PRKG1: variants seen among roughly 807,000 people sequenced by gnomAD.
The protein encoded by PRKG1 is cGMP-dependent protein kinase 1.
Under a neutral mutation model 88.1 loss-of-function variants are expected in PRKG1, and 35 were observed. That is an observed-to-expected ratio of 0.40 (90% CI 0.30 to 0.53). PRKG1 has a LOEUF of 0.53. PRKG1 is among the 20% of genes least tolerant of loss of function. The pLI, the probability that PRKG1 is intolerant of heterozygous loss-of-function variation, is 0.59. For synonymous variants in PRKG1, 303 were observed against 292.5 expected, an observed-to-expected ratio of 1.04 and a Z score of -0.37; for missense variants, 540 against 839.8, an observed-to-expected ratio of 0.64 and a Z score of 4.41.
At chr10:51,610,950 T>G (rs573320162) in intron 3 of PRKG1, among the ~76,000 whole-genome samples, 4 of 151,976 alleles carry the variant, frequency 2.6e-5, no homozygotes, top group African/African-American at 7.2e-5. Context: ...AAGCAGGGCT[T>G]AAAACCTAGG....
chr10:51,368,243 A>G (rs1449406410), intron 2 of PRKG1, among the ~76,000 whole-genome samples: 2 of 152,036 alleles, frequency 1.3e-5, no homozygotes, highest in Non-Finnish European at 2.9e-5. Context: ...TTTGAAAAGC[A>G]TGCAGTCTTC....
intron 2 of PRKG1, among the ~76,000 whole-genome samples, chr10:51,222,674 T>C (rs1207185454): frequency 6.6e-6 from 1 of 152,182 alleles, no homozygotes; most frequent in Non-Finnish European, 1.5e-5. Flanking sequence ...TTTATGGTTC[T>C]AGATATAAGA....
chr10:51,399,414 C>A (rs1022851515), intron 2 of PRKG1, among the ~76,000 whole-genome samples: 2 of 151,900 alleles, frequency 1.3e-5, no homozygotes, highest in Non-Finnish European at 2.9e-5. Context: ...ATGTGACATA[C>A]AACAGTAGAG....
intron 2 of PRKG1, among the ~76,000 whole-genome samples, chr10:51,165,542 A>G (rs1846514903): frequency 6.6e-6 from 1 of 152,290 alleles, no homozygotes; most frequent in Non-Finnish European, 1.5e-5. Context: ...TTCACACATA[A>G]CAATATTAAC....
At chr10:51,203,753 T>C (rs1837972589) in intron 2 of PRKG1, among the ~76,000 whole-genome samples, 1 of 152,212 alleles carries the variant, frequency 6.6e-6, no homozygotes, top group African/African-American at 2.4e-5. Flanking sequence ...TGAGGGACAA[T>C]TGAAATGATG....
At chr10:51,297,308 A>C (rs185848010) in intron 2 of PRKG1, among the ~76,000 whole-genome samples, 1 of 152,204 alleles carries the variant, frequency 6.6e-6, no homozygotes, top group East Asian at 1.9e-4. Context: ...TAGATGGTGA[A>C]CCTGTGGGTG....
intron 4 of PRKG1, among the ~76,000 whole-genome samples, chr10:51,906,419 T>C (rs551277968): frequency 6.6e-6 from 1 of 152,162 alleles, no homozygotes; most frequent in East Asian, 1.9e-4. Context: ...TTGTATACAT[T>C]TTAGGGGGAC....
chr10:52,059,722 C>A (rs910651189), intron 6 of PRKG1, among the ~76,000 whole-genome samples: 2 of 151,272 alleles, frequency 1.3e-5, no homozygotes, highest in African/African-American at 2.4e-5. Context: ...CAAATCTATC[C>A]ATGTGTTTAA....
chr10:51,448,209 C>T lies in PRKG1; in HGVS notation c.479-19514C>T, dbSNP rs372496726. Among the ~76,000 whole-genome samples the T allele has an allele frequency of 9.0e-4, 136 of 151,904 alleles. 1 individual carries two copies. The highest frequency in any genetic ancestry group is 1.5e-3 in the Non-Finnish European group (104 of 67,946). Reference sequence around the variant, plus strand: ...GCTGCAGTGAATCCTGATCATGCCACTGAACTCCATTCTGGGCAATAGAGC... The same window carrying T: ...GCTGCAGTGAATCCTGATCATGCCATTGAACTCCATTCTGGGCAATAGAGC... On this transcript the variant is annotated intron_variant, in intron 2 of 17. Transcript: ENST00000373980.
At chr10:51,281,361 C>T (rs1430251123) in intron 2 of PRKG1, among the ~76,000 whole-genome samples, 1 of 152,294 alleles carries the variant, frequency 6.6e-6, no homozygotes, top group South Asian at 2.1e-4. Flanking sequence ...AAACTCCATA[C>T]TGGGAGAACC....
chr10:51,612,970 A>G (rs1231631795), intron 3 of PRKG1, among the ~76,000 whole-genome samples: 1 of 151,950 alleles, frequency 6.6e-6, no homozygotes, highest in African/African-American at 2.4e-5. Flanking sequence ...GTATAATCCC[A>G]CTTGATCATG....
At chr10:51,549,431 A>T (rs1385762551) in intron 3 of PRKG1, among the ~76,000 whole-genome samples, 1 of 151,958 alleles carries the variant, frequency 6.6e-6, no homozygotes, top group East Asian at 1.9e-4. Flanking sequence ...CTAATATAGA[A>T]TATTCACTCA....
At chr10:51,495,132 T>C (rs1236931855) in intron 3 of PRKG1, among the ~76,000 whole-genome samples, 2 of 152,102 alleles carry the variant, frequency 1.3e-5, no homozygotes, top group Non-Finnish European at 2.9e-5. Context: ...TCTCGCTCTG[T>C]CACCCAGGCT....
At chr10:51,676,412 C>T (rs1840712297) in intron 3 of PRKG1, among the ~76,000 whole-genome samples, 1 of 140,704 alleles carries the variant, frequency 7.1e-6, no homozygotes, top group South Asian at 2.3e-4. Context: ...GTTAAGACCT[C>T]ATTTAAACCA....
intron 4 of PRKG1, among the ~76,000 whole-genome samples, chr10:51,869,614 G>C (rs1160692771): frequency 6.6e-6 from 1 of 151,838 alleles, no homozygotes; most frequent in East Asian, 1.9e-4. Flanking sequence ...TGTTCTAAGA[G>C]ATAATAGAAA....
At chr10:52,210,461 C>T (rs1165311114) in intron 9 of PRKG1, among the ~76,000 whole-genome samples, 4 of 152,094 alleles carry the variant, frequency 2.6e-5, no homozygotes, top group Non-Finnish European at 4.4e-5. Flanking sequence ...TCCACAAACT[C>T]ACACCCTATG....
intron 9 of PRKG1, among the ~76,000 whole-genome samples, chr10:52,163,968 G>A (rs913196607): frequency 6.6e-6 from 1 of 152,104 alleles, no homozygotes; most frequent in Non-Finnish European, 1.5e-5. Context: ...GAATATTAAC[G>A]CCTAACTCTC....
At chr10:52,021,550 G>A (rs9664844) in intron 5 of PRKG1, among the ~76,000 whole-genome samples, 93,843 of 152,044 alleles carry the variant, frequency 0.62, 29,146 homozygotes, top group African/African-American at 0.67. Flanking sequence ...CTTCAGACCA[G>A]TATATAAAGT....
intron 3 of PRKG1, among the ~76,000 whole-genome samples, chr10:51,657,451 G>C (rs775975027): frequency 2.1e-4 from 32 of 152,148 alleles, no homozygotes; most frequent in Non-Finnish European, 3.4e-4. Flanking sequence ...GCAATGCAGA[G>C]TGGAAGATTA....
Sources: allele counts gnomAD v4.1 joint callset (sites outside exome capture counted in the v4.1 genomes callset), GRCh38; gene constraint gnomAD v4.1.1; transcripts MANE v1.5; gene names NCBI Gene and HGNC (gene_info 2026-07-23, HGNC 2026-07-21).